SLC26A7: variants seen among roughly 807,000 people sequenced by gnomAD.
SLC26A7 encodes solute carrier family 26 member 7.
SLC26A7 carries 59 observed loss-of-function variants against 82.5 expected under a neutral mutation model. The ratio of observed to expected loss-of-function variants is 0.72; its 90% CI spans 0.58 to 0.89. SLC26A7 has a LOEUF of 0.89. SLC26A7 is among the 40% of genes least tolerant of loss of function. SLC26A7 has a pLI of 0.00. For synonymous variants in SLC26A7, 271 were observed against 274.3 expected (o/e 0.99, Z 0.12); for missense variants, 820 against 793.0 (o/e 1.03, Z -0.41).
intron 15 of SLC26A7, among the ~76,000 whole-genome samples, chr8:91,373,235 C>A (rs1472380987): frequency 6.6e-6 from 1 of 151,912 alleles, no homozygotes; most frequent in African/African-American, 2.4e-5. Flanking sequence ...TGCCTTATTT[C>A]TCTGGCTAGC....
intron 16 of SLC26A7, among the ~76,000 whole-genome samples, chr8:91,391,435 A>AT (rs1814965865): frequency 6.6e-6 from 1 of 152,200 alleles, no homozygotes; most frequent in South Asian, 2.1e-4. Context: ...TCTAGTGGCT[A>AT]TTTTTAGCAA....
At chr8:91,228,564 A>G (rs1313761977) in intron 2 of SLC26A7, among the ~76,000 whole-genome samples, 1 of 152,202 alleles carries the variant, frequency 6.6e-6, no homozygotes, top group South Asian at 2.1e-4. Flanking sequence ...GGAGCTTCAC[A>G]ACGGCCACTT....
intron 5 of SLC26A7, among the ~76,000 whole-genome samples, chr8:91,331,684 C>G (rs1466044880): frequency 1.3e-5 from 2 of 152,084 alleles, no homozygotes; most frequent in African/African-American, 4.8e-5. Context: ...TTTCCAAACT[C>G]AAGCTAATTA....
chr8:91,289,559 C>T (rs1475889176), intron 3 of SLC26A7, among the ~76,000 whole-genome samples: 1 of 151,844 alleles, frequency 6.6e-6, no homozygotes, highest in Non-Finnish European at 1.5e-5. Context: ...GCAGGAGAAT[C>T]GCTTGAACCT....
At chr8:91,360,659 G>A (rs1043592753) in intron 11 of SLC26A7, among the ~76,000 whole-genome samples, 32 of 152,270 alleles carry the variant, frequency 2.1e-4, no homozygotes, top group African/African-American at 7.0e-4. Flanking sequence ...TTGCTCTGAA[G>A]AATTCTGGCC....
intron 15 of SLC26A7, among the ~76,000 whole-genome samples, chr8:91,377,035 C>A (rs974645274): frequency 6.6e-6 from 1 of 152,160 alleles, no homozygotes; most frequent in African/African-American, 2.4e-5. Context: ...CCAGAGCAGA[C>A]AACTCTGTAG....
intron 12 of SLC26A7, 80 bp from the exon 13 acceptor site, chr8:91,363,392 A>T: frequency 1.3e-6 from 1 of 796,356 alleles, no homozygotes. Context: ...TAGTTATTAA[A>T]TGACTACTTT....
chr8:91,260,758 G>A (rs1406923109), intron 2 of SLC26A7, among the ~76,000 whole-genome samples: 2 of 151,950 alleles, frequency 1.3e-5, no homozygotes, highest in African/African-American at 2.4e-5. Flanking sequence ...GTGATTCTTC[G>A]TGTTCATGCT....
chr8:91,279,076 T>A (rs1811483530), intron 2 of SLC26A7, among the ~76,000 whole-genome samples: 2 of 148,086 alleles, frequency 1.4e-5, no homozygotes, highest in South Asian at 4.3e-4. Flanking sequence ...AATGATAGGA[T>A]CCCCTTATTT....
At chr8:91,354,846 G>A (rs555754370) in intron 11 of SLC26A7, among the ~76,000 whole-genome samples, 1 of 152,160 alleles carries the variant, frequency 6.6e-6, no homozygotes, top group East Asian at 1.9e-4. Context: ...ATCATTCATT[G>A]AGTTATAAGA....
intron 1 of SLC26A7, among the ~76,000 whole-genome samples, chr8:91,218,410 C>T (rs371783649): frequency 6.6e-6 from 1 of 152,072 alleles, no homozygotes; most frequent in African/African-American, 2.4e-5. Context: ...GCCTGAGACC[C>T]AGCCAGTGAA....
chr8:91,253,809 T>C (rs758597330), intron 2 of SLC26A7, among the ~76,000 whole-genome samples: 6 of 152,246 alleles, frequency 3.9e-5, no homozygotes, highest in East Asian at 3.9e-4. Context: ...CTGTAAGCTC[T>C]GGAAACAAGA....
intron 16 of SLC26A7, among the ~76,000 whole-genome samples, chr8:91,391,979 C>A (rs1381802122): frequency 1.3e-5 from 2 of 152,204 alleles, no homozygotes; most frequent in East Asian, 3.9e-4. Context: ...AGTTTAGGAT[C>A]CATGGCTGAC....
At chr8:91,379,720 C>A (rs898038977) in intron 15 of SLC26A7, among the ~76,000 whole-genome samples, 2 of 151,810 alleles carry the variant, frequency 1.3e-5, no homozygotes, top group African/African-American at 4.8e-5. Context: ...AGGAAAATAT[C>A]TTAAAAGACC....
chr8:91,339,227 C>T (rs562646361), intron 7 of SLC26A7, among the ~76,000 whole-genome samples: 3 of 152,130 alleles, frequency 2.0e-5, no homozygotes, highest in East Asian at 3.9e-4. Flanking sequence ...AGCATAATAA[C>T]CTGTAATGAT....
intron 2 of SLC26A7, among the ~76,000 whole-genome samples, chr8:91,264,520 C>T (rs1210560333): frequency 6.6e-6 from 1 of 151,942 alleles, no homozygotes; most frequent in Non-Finnish European, 1.5e-5. Flanking sequence ...ACTCCTTATA[C>T]CTGAGCCTCC....
intron 2 of SLC26A7, among the ~76,000 whole-genome samples, chr8:91,287,922 T>G (rs1417055239): frequency 6.6e-6 from 1 of 152,158 alleles, no homozygotes; most frequent in East Asian, 1.9e-4. Flanking sequence ...CACTGACTCT[T>G]CTATAATCAC....
At chr8:91,217,875 G>A (rs1296936838) in intron 1 of SLC26A7, among the ~76,000 whole-genome samples, 1 of 152,146 alleles carries the variant, frequency 6.6e-6, no homozygotes, top group Admixed American at 6.6e-5. Flanking sequence ...ATATTTTACA[G>A]TTAGGATAGT....
rs58505719 is a variant in SLC26A7 at position 91,332,144 on chromosome 8, C to CATAT, written c.643-2139_643-2136dup. Among the ~76,000 whole-genome samples the CATAT allele has an allele frequency of 1.7e-3, 245 of 144,180 alleles. 2 individuals are homozygous for CATAT. Among genetic ancestry groups the CATAT allele is most frequent in the African/African-American group, 6.1e-3 (240 of 39,476 alleles). The allele number at this position is 144,180 out of a possible 152,430, so 94.6% of individuals were successfully genotyped here. A position where few individuals can be genotyped will look rare whatever the true frequency, so the allele number is the denominator to read the frequency against. On this transcript the variant is annotated intron_variant, in intron 5 of 18. Coordinates refer to ENST00000276609, the MANE Select transcript of SLC26A7 (RefSeq NM_052832.4). ...TGGGTTCTTACTGTTTTAAATTTTT[C>CATAT]ATATATATATATATACACACACATA...
Sources: gnomAD v4.1 joint callset for allele counts (sites outside exome capture counted in the v4.1 genomes callset) on GRCh38, gnomAD v4.1.1 for gene constraint, MANE v1.5 for transcripts, NCBI Gene and HGNC (gene_info 2026-07-23, HGNC 2026-07-21) for gene names.